TNFSF4: variants seen among roughly 807,000 people sequenced by gnomAD.
TNFSF4 encodes the protein tumor necrosis factor ligand superfamily member 4.
In TNFSF4, 4 loss-of-function variants were observed where a neutral mutation model predicts 7.3. The observed-to-expected ratio is 0.55, with a 90% CI of 0.27 to 1.25. The LOEUF (loss-of-function observed/expected upper bound fraction) is 1.25. TNFSF4 is among the 50% of genes most tolerant of loss of function. The pLI is 0.12. For missense variants in TNFSF4, 181 were observed against 208.8 expected, an observed-to-expected ratio of 0.87 and a Z score of 0.82; for synonymous variants, 76 against 83.7, an observed-to-expected ratio of 0.91 and a Z score of 0.50.
chr1:173,239,157 C>A, the TNFSF4 span, among the ~76,000 whole-genome samples: 47 of 152,282 alleles, frequency 3.1e-4, no homozygotes, highest in Middle Eastern at 0.01. Flanking sequence ...TTTCAGTAAT[C>A]CACTCCAGTA....
the TNFSF4 span, among the ~76,000 whole-genome samples, chr1:173,444,265 T>G: frequency 1.3e-5 from 2 of 152,132 alleles, no homozygotes; most frequent in East Asian, 3.8e-4. Flanking sequence ...CCAAGCAGCC[T>G]GCAAACACAC....
intron 2 of TNFSF4, among the ~76,000 whole-genome samples, chr1:173,187,433 T>C (rs1649280306): frequency 6.6e-6 from 1 of 152,250 alleles, no homozygotes; most frequent in African/African-American, 2.4e-5. Context: ...CTTTCTGTCA[T>C]CTGACCATGA....
chr1:173,191,089 T>G (rs1649457270), intron 1 of TNFSF4, among the ~76,000 whole-genome samples: 1 of 152,234 alleles, frequency 6.6e-6, no homozygotes, highest in African/African-American at 2.4e-5. Context: ...TTTGACTGAC[T>G]TTGCAAAGAT....
At chr1:173,212,066 A>T (rs549983356), upstream of TNFSF4, among the ~76,000 whole-genome samples, 1 of 152,148 alleles carries the variant, frequency 6.6e-6, no homozygotes, top group Middle Eastern at 3.2e-3. Context: ...GGTAAAAGAG[A>T]GCTAGAGTGT....
At chr1:173,314,042 A>AT in the TNFSF4 span, among the ~76,000 whole-genome samples, 1 of 151,702 alleles carries the variant, frequency 6.6e-6, no homozygotes, top group Non-Finnish European at 1.5e-5. Context: ...TTTTCTAGTG[A>AT]TTTATTAGTC....
the TNFSF4 span, among the ~76,000 whole-genome samples, chr1:173,271,922 G>A: frequency 9.2e-5 from 14 of 152,032 alleles, no homozygotes; most frequent in Non-Finnish European, 1.6e-4. Flanking sequence ...GGCACTATTC[G>A]CAATAGCAAA....
chr1:173,225,155 G>A, the TNFSF4 span, among the ~76,000 whole-genome samples: 2 of 152,188 alleles, frequency 1.3e-5, no homozygotes, highest in Admixed American at 1.3e-4. Flanking sequence ...TAAGAAAGAG[G>A]TTGGTTAAAT....
chr1:173,244,244 G>A, the TNFSF4 span, among the ~76,000 whole-genome samples: 2 of 152,130 alleles, frequency 1.3e-5, no homozygotes, highest in African/African-American at 4.8e-5. Context: ...CCCATGTCTG[G>A]TATGACATGG....
At chr1:173,408,688 G>A in the TNFSF4 span, among the ~76,000 whole-genome samples, 1 of 151,144 alleles carries the variant, frequency 6.6e-6, no homozygotes, top group East Asian at 2.0e-4. Flanking sequence ...CCCAGGCCCA[G>A]GTGATTCTCC....
At chr1:173,221,429 G>C in the TNFSF4 span, among the ~76,000 whole-genome samples, 2 of 152,190 alleles carry the variant, frequency 1.3e-5, no homozygotes, top group Admixed American at 1.3e-4. Context: ...GATGTAAAGT[G>C]CCTTGACTTC....
the TNFSF4 span, among the ~76,000 whole-genome samples, chr1:173,320,315 T>A: frequency 1.3e-5 from 2 of 152,088 alleles, no homozygotes; most frequent in Non-Finnish European, 2.9e-5. Flanking sequence ...ATAAACTAGG[T>A]ATTGATGAAA....
chr1:173,346,660 A>T, the TNFSF4 span, among the ~76,000 whole-genome samples: 2 of 152,232 alleles, frequency 1.3e-5, no homozygotes, highest in Non-Finnish European at 2.9e-5. Context: ...TTAGTTTTCA[A>T]AAGAAAGGAT....
chr1:173,439,233 C>T, the TNFSF4 span, among the ~76,000 whole-genome samples: 3 of 152,366 alleles, frequency 2.0e-5, no homozygotes, highest in African/African-American at 7.2e-5. Flanking sequence ...ACACAATGTA[C>T]ATGCAAATGT....
chr1:173,405,520 T>C, the TNFSF4 span, among the ~76,000 whole-genome samples: 1 of 152,200 alleles, frequency 6.6e-6, no homozygotes, highest in Non-Finnish European at 1.5e-5. Flanking sequence ...TGTGCCAAGA[T>C]ATTTGAGGGC....
chr1:173,277,359 G>A, the TNFSF4 span, among the ~76,000 whole-genome samples: 1 of 152,116 alleles, frequency 6.6e-6, no homozygotes, highest in Non-Finnish European at 1.5e-5. Context: ...TTAAACTTGG[G>A]AGTCTGAGAG....
At chr1:173,266,509 T>G in the TNFSF4 span, among the ~76,000 whole-genome samples, 85 of 152,214 alleles carry the variant, frequency 5.6e-4, 1 homozygote, top group South Asian at 0.015. Context: ...TTGTCACTAT[T>G]CCCTTAAGAT....
intron 1 of TNFSF4, among the ~76,000 whole-genome samples, chr1:173,189,418 T>C (rs147588554): frequency 6.6e-6 from 1 of 152,306 alleles, no homozygotes; most frequent in Admixed American, 6.5e-5. Flanking sequence ...CAATAAAAAC[T>C]GTCCCAATCC....
At chr1:173,401,815 A>AATACAACT in the TNFSF4 span, among the ~76,000 whole-genome samples, 1 of 152,196 alleles carries the variant, frequency 6.6e-6, no homozygotes, top group East Asian at 1.9e-4. Context: ...AACTCAGGTT[A>AATACAACT]ATACAACTAT....
the TNFSF4 span, among the ~76,000 whole-genome samples, chr1:173,376,736 G>A: frequency 6.6e-6 from 1 of 152,190 alleles, no homozygotes. Flanking sequence ...CTGGCCTCCT[G>A]AGCCAGCAGC....
Sources: allele counts gnomAD v4.1 joint callset (sites outside exome capture counted in the v4.1 genomes callset), GRCh38; gene constraint gnomAD v4.1.1; transcripts MANE v1.5; gene names NCBI Gene and HGNC (gene_info 2026-07-23, HGNC 2026-07-21).